The following WDR72 variants were observed in gnomAD, a reference collection of about 807,000 sequenced individuals.
The protein encoded by WDR72 is WD repeat-containing protein 72.
A neutral mutation model predicts 124.2 loss-of-function variants in WDR72; 120 were observed. That is an observed-to-expected ratio of 0.97 (90% CI 0.83 to 1.12). The LOEUF (loss-of-function observed/expected upper bound fraction) is 1.12. Ranked by LOEUF, WDR72 falls within the 50% of genes most tolerant of loss-of-function variation. The pLI is 0.00. For missense variants in WDR72, 1,387 were observed against 1,278.8 expected, an observed-to-expected ratio of 1.08 and a Z score of -1.29; for synonymous variants, 452 against 441.7, an observed-to-expected ratio of 1.02 and a Z score of -0.29.
chr15:53,602,364 A>C (rs902539799), intron 17 of WDR72, among the ~76,000 whole-genome samples: 2 of 152,106 alleles, frequency 1.3e-5, no homozygotes, highest in African/African-American at 4.8e-5. Flanking sequence ...ATGGCACTAA[A>C]TGCCCAGATC....
rs1199771402 is a variant in WDR72 at position 53,516,438 on chromosome 15, A to G, written c.*1261T>C. 6.6e-6 allele frequency: 1 copy of G among 152,092 alleles called. No homozygotes were observed. Among genetic ancestry groups the G allele is most frequent in the African/African-American group, 2.4e-5 (1 of 41,456 alleles). The allele number at this position is 152,092 out of a possible 1,614,324, so 9.4% of individuals were successfully genotyped here. A position where few individuals can be genotyped will look rare whatever the true frequency, so the allele number is the denominator to read the frequency against. Reference sequence around the variant, plus strand: ...CCTGAGGCTGGTCCCATGCTCAAAAATGTTTCTTTAATTGAAGTGACTTGA... The same window carrying G: ...CCTGAGGCTGGTCCCATGCTCAAAAGTGTTTCTTTAATTGAAGTGACTTGA... On this transcript the variant is annotated 3_prime_UTR_variant, in exon 20 of 20. Transcript: ENST00000360509.
intron 6 of WDR72, among the ~76,000 whole-genome samples, chr15:53,713,198 A>AG (rs2017598147): frequency 6.6e-6 from 1 of 151,314 alleles, no homozygotes; most frequent in African/African-American, 2.4e-5. Context: ...TCTTGAAAAA[A>AG]AAAAAAAGCT....
At chr15:53,616,350 T>A in intron 14 of WDR72, 107 bp from the exon 15 acceptor site, 2 of 845,470 alleles carry the variant, frequency 2.4e-6, no homozygotes, top group Non-Finnish European at 3.7e-6. Flanking sequence ...GCAGAGCAGC[T>A]AAAGGCAAGT....
chr15:53,568,060 A>C (rs1318901553), intron 18 of WDR72, among the ~76,000 whole-genome samples: 1 of 88,122 alleles, frequency 1.1e-5, no homozygotes, highest in African/African-American at 4.4e-5. Context: ...GATTCTAGGC[A>C]TTTTTTGTCT....
chr15:53,643,249 G>A (rs560395618), intron 14 of WDR72, among the ~76,000 whole-genome samples: 121 of 152,244 alleles, frequency 7.9e-4, no homozygotes, highest in African/African-American at 2.6e-3. Context: ...CTTGGTTTAT[G>A]AAGATTTATG....
intron 1 of WDR72, among the ~76,000 whole-genome samples, chr15:53,747,599 T>C (rs2018674023): frequency 1.3e-5 from 2 of 152,180 alleles, no homozygotes; most frequent in African/African-American, 4.8e-5. Context: ...ATCACATCTC[T>C]TTCATTACAT....
At chr15:53,686,322 C>T (rs1377820774) in intron 13 of WDR72, among the ~76,000 whole-genome samples, 8 of 152,074 alleles carry the variant, frequency 5.3e-5, no homozygotes, top group Non-Finnish European at 1.0e-4. Context: ...ACCCATCTCA[C>T]GTGCAGAGAC....
intron 2 of WDR72, among the ~76,000 whole-genome samples, chr15:53,732,193 G>A (rs1209169535): frequency 1.3e-5 from 2 of 152,084 alleles, no homozygotes; most frequent in African/African-American, 4.8e-5. Context: ...TTCAGTGATG[G>A]GAGATGTTAA....
At chr15:53,686,841 C>T (rs1190896853) in intron 13 of WDR72, among the ~76,000 whole-genome samples, 2 of 151,622 alleles carry the variant, frequency 1.3e-5, no homozygotes, top group East Asian at 1.9e-4. Context: ...TGTAAAAGAA[C>T]AGAAATTATA....
chr15:53,591,712 ACACACACACACACACAC>A (rs1555411477), intron 18 of WDR72, among the ~76,000 whole-genome samples: 2 of 146,648 alleles, frequency 1.4e-5, no homozygotes, highest in Admixed American at 6.7e-5. Flanking sequence ...ACACACACAC[ACACACACACACACACAC>A]ATATATACCT....
chr15:53,668,615 G>C (rs2015858883), intron 13 of WDR72, among the ~76,000 whole-genome samples: 1 of 152,070 alleles, frequency 6.6e-6, no homozygotes, highest in Non-Finnish European at 1.5e-5. Context: ...AAGGGTTAAG[G>C]CCAGGTATAA....
At chr15:53,564,764 C>A (rs998172441) in intron 18 of WDR72, among the ~76,000 whole-genome samples, 1 of 151,864 alleles carries the variant, frequency 6.6e-6, no homozygotes, top group Non-Finnish European at 1.5e-5. Flanking sequence ...TCCTTCCTTT[C>A]CAGTCACGTG....
At chr15:53,673,714 G>C (rs2016070913) in intron 13 of WDR72, among the ~76,000 whole-genome samples, 2 of 152,160 alleles carry the variant, frequency 1.3e-5, no homozygotes, top group Admixed American at 6.5e-5. Context: ...ATAGGGCCGG[G>C]TGCAGTGGCT....
At chr15:53,696,821 C>T (rs1034699736) in intron 13 of WDR72, among the ~76,000 whole-genome samples, 7 of 152,104 alleles carry the variant, frequency 4.6e-5, no homozygotes, top group Non-Finnish European at 2.9e-5. Context: ...ATACCCAACA[C>T]GAGAATAAAG....
intron 14 of WDR72, among the ~76,000 whole-genome samples, chr15:53,645,647 T>C (rs1248175399): frequency 6.6e-6 from 1 of 152,202 alleles, no homozygotes; most frequent in East Asian, 1.9e-4. Context: ...TTCGATGAAG[T>C]AAAAATTAAG....
At chr15:53,612,946 G>C (rs976957836) in intron 16 of WDR72, among the ~76,000 whole-genome samples, 1 of 151,716 alleles carries the variant, frequency 6.6e-6, no homozygotes, top group African/African-American at 2.4e-5. Context: ...GCTGGTGTAG[G>C]GGGTGAGAAG....
intron 16 of WDR72, among the ~76,000 whole-genome samples, chr15:53,612,794 C>A (rs894356338): frequency 1.3e-5 from 2 of 151,954 alleles, no homozygotes; most frequent in Admixed American, 1.3e-4. Context: ...ATCATTCTGG[C>A]TGCTTGGGTG....
intron 14 of WDR72, among the ~76,000 whole-genome samples, chr15:53,627,032 GA>G (rs1279388070): frequency 1.3e-5 from 2 of 152,058 alleles, no homozygotes; most frequent in Admixed American, 6.6e-5. Context: ...CCTGAATGAA[GA>G]ATTTAGAAAT....
intron 14 of WDR72, among the ~76,000 whole-genome samples, chr15:53,626,509 G>C (rs1440051490): frequency 2.0e-5 from 3 of 152,200 alleles, no homozygotes; most frequent in East Asian, 1.9e-4. Flanking sequence ...AGCTCCAGCC[G>C]TAACAAACAC....
Sources: gnomAD v4.1 joint callset for allele counts (sites outside exome capture counted in the v4.1 genomes callset) on GRCh38, gnomAD v4.1.1 for gene constraint, MANE v1.5 for transcripts, NCBI Gene and HGNC (gene_info 2026-07-23, HGNC 2026-07-21) for gene names.